MYBPC1: variants seen among roughly 807,000 people sequenced by gnomAD.
MYBPC1 encodes myosin-binding protein C, slow-type.
In MYBPC1, 52 loss-of-function variants were observed where a neutral mutation model predicts 147.1. The observed-to-expected ratio is 0.35, with a 90% CI of 0.28 to 0.45. The LOEUF (loss-of-function observed/expected upper bound fraction) is 0.45, where lower values mean the gene tolerates loss of function less well. Ranked by LOEUF, MYBPC1 falls within the 20% of genes least tolerant of loss-of-function variation. The probability of loss-of-function intolerance (pLI) is 1.00; values close to 1 mark genes in which losing one functional copy is unlikely to be tolerated. For missense variants in MYBPC1, 1,228 were observed against 1,440.3 expected (o/e 0.85, Z 2.39); for synonymous variants, 477 against 475.9 (o/e 1.00, Z -0.03).
chr12:101,669,953 A>AAAAAAT, intron 23 of MYBPC1: 1 of 343,176 alleles, frequency 2.9e-6, no homozygotes. Flanking sequence ...AAAAAAAAAG[A>AAAAAAT]AACTATGAAA....
At chr12:101,695,603 TG>T in the MYBPC1 span, among the ~76,000 whole-genome samples, 1 of 152,176 alleles carries the variant, frequency 6.6e-6, no homozygotes, top group African/African-American at 2.4e-5. Context: ...ATCTACTTTT[TG>T]TTTTTCCTGT....
rs1890049024 is a variant in MYBPC1 at position 101,632,191 on chromosome 12, G to A, written c.556+53G>A. 26 of 1,210,084 alleles carry A rather than the reference G, an allele frequency of 2.1e-5. No homozygotes were observed. The South Asian group carries it at 2.7e-4, about 12-fold the overall frequency. The allele number at this position is 1,210,084 out of a possible 1,614,324, so 75.0% of individuals were successfully genotyped here. A position where few individuals can be genotyped will look rare whatever the true frequency, so the allele number is the denominator to read the frequency against. ...TGTAATTTTTTAATGGGGTGTGAGG[G>A]GATGGAGAAGAAGTAGTTCATTTAA... On this transcript the variant is annotated intron_variant, in intron 8 of 31. Transcript: ENST00000361466.
intron 18 of MYBPC1, among the ~76,000 whole-genome samples, chr12:101,654,775 A>G (rs999535212): frequency 5.3e-5 from 8 of 152,222 alleles, no homozygotes; most frequent in Admixed American, 3.3e-4. Flanking sequence ...CTAGCTAGAC[A>G]TGAAAACCTC....
intron 16 of MYBPC1, 112 bp downstream of exon 16, chr12:101,651,505 C>A: frequency 1.4e-6 from 2 of 1,408,284 alleles, no homozygotes; most frequent in Non-Finnish European, 2.0e-6. Flanking sequence ...GGGAGATCAT[C>A]TATTCCTGAT....
At position 101,685,746 on chromosome 12, in the gene MYBPC1, A is replaced by T; in HGVS notation, c.*184A>T. On this transcript the variant is annotated 3_prime_UTR_variant, in exon 32 of 32. Coordinates refer to ENST00000361466, the MANE Select transcript of MYBPC1 (RefSeq NM_002465.4). ...TTGAAATCTGGTTGAAATGAGAAAA[A>T]GCATTTTCTGTTTTCCCACCAGGCC... 1 of 1,241,324 alleles carries T rather than the reference A, an allele frequency of 8.1e-7. No individual in the cohort carries two copies. Among genetic ancestry groups the T allele is most frequent in the Non-Finnish European group, 1.1e-6 (1 of 907,114 alleles). 76.9% of individuals were successfully genotyped at this position (1,241,324 alleles called of 1,614,324 possible). A position where few individuals can be genotyped will look rare whatever the true frequency, so the allele number is the denominator to read the frequency against.
At chr12:101,617,371 A>G (rs950203519) in intron 3 of MYBPC1, 128 bp downstream of exon 3, 2 of 938,136 alleles carry the variant, frequency 2.1e-6, no homozygotes, top group Admixed American at 2.0e-5. Context: ...TTTGCATCTT[A>G]TCTGCAAGTC....
intron 1 of MYBPC1, among the ~76,000 whole-genome samples, chr12:101,597,779 C>T (rs7962715): frequency 0.086 from 13,126 of 152,086 alleles, 1,712 homozygotes; most frequent in African/African-American, 0.28. Flanking sequence ...GTTATTTGTA[C>T]TGTCTATTCC....
chr12:101,622,166 T>A (rs1342457122), intron 3 of MYBPC1, among the ~76,000 whole-genome samples: 2 of 152,236 alleles, frequency 1.3e-5, no homozygotes, highest in Non-Finnish European at 2.9e-5. Context: ...GACTTACATA[T>A]ATTTTTTGTT....
At chr12:101,627,932 A>T (rs1888999791) in intron 5 of MYBPC1, 128 bp downstream of exon 5, 2 of 1,089,204 alleles carry the variant, frequency 1.8e-6, no homozygotes, top group Non-Finnish European at 2.8e-6. Flanking sequence ...GCAATCTTTC[A>T]TTACGTTTCC....
chr12:101,656,397 G>A (rs11110932), intron 18 of MYBPC1, among the ~76,000 whole-genome samples: 34,070 of 151,948 alleles, frequency 0.22, 4,085 homozygotes, highest in Middle Eastern at 0.35. Flanking sequence ...CAAATTAGAA[G>A]CCCAAAATTG....
intron 6 of MYBPC1, 150 bp from the exon 7 acceptor site, chr12:101,631,421 T>TA (rs1889861710): frequency 3.3e-6 from 3 of 917,312 alleles, no homozygotes; most frequent in Non-Finnish European, 5.2e-6. Flanking sequence ...AGAGCATTCA[T>TA]AAAAAAATCA....
At chr12:101,637,914 A>G (rs1389698848) in intron 10 of MYBPC1, among the ~76,000 whole-genome samples, 3 of 152,176 alleles carry the variant, frequency 2.0e-5, no homozygotes, top group African/African-American at 7.2e-5. Context: ...TCTCAATAGT[A>G]TTGATTAATT....
chr12:101,607,687 G>C (rs560268351), intron 1 of MYBPC1, among the ~76,000 whole-genome samples: 278 of 152,044 alleles, frequency 1.8e-3, no homozygotes, highest in Non-Finnish European at 2.9e-3. Flanking sequence ...CTATAAAAAA[G>C]CTAAATTAAA....
Position 101,629,427 on chromosome 12 carries a change from T to A in MYBPC1, c.179-7T>A. On this transcript the variant is annotated splice_polypyrimidine_tract_variant and splice_region_variant and intron_variant, in intron 5 of 31. Transcript: ENST00000361466. The stretch of plus-strand genomic sequence containing the variant: ...AAATAATCCTTTTCCTCCTTTCTGC[T>A]CATCAGACTGGACCCTTGTCGAAAC... The A allele has an allele frequency of 1.3e-6, 2 of 1,583,698 alleles. No homozygotes were observed. Among genetic ancestry groups the A allele is most frequent in the Non-Finnish European group, 1.7e-6 (2 of 1,152,704 alleles).
At chr12:101,610,518 G>A (rs910643914) in intron 1 of MYBPC1, among the ~76,000 whole-genome samples, 1 of 150,722 alleles carries the variant, frequency 6.6e-6, no homozygotes, top group African/African-American at 2.5e-5. Flanking sequence ...GTGTCTTTTC[G>A]TAGGTGTGTC....
At chr12:101,682,502 T>C in intron 29 of MYBPC1, 102 bp from the exon 30 acceptor site, 1 of 1,056,006 alleles carries the variant, frequency 9.5e-7, no homozygotes. Flanking sequence ...ATCAGACTGT[T>C]ACTCTGATAA....
chr12:101,642,728 C>G (rs1892329085), intron 11 of MYBPC1, 143 bp downstream of exon 11: 1 of 844,762 alleles, frequency 1.2e-6, no homozygotes, highest in African/African-American at 1.7e-5. Context: ...TTACGCTTGT[C>G]TAGACGGACA....
Position 101,646,824 on chromosome 12 carries a change from G to A in MYBPC1, c.1027G>A (p.Asp343Asn). 1 of 1,613,738 alleles carries A rather than the reference G, an allele frequency of 6.2e-7. No individual in the cohort carries two copies. The highest frequency in any genetic ancestry group is 8.5e-7 in the Non-Finnish European group (1 of 1,179,596). ...GTTTATCAATAACTGTCAGATGACA[G>A]ATGATTCAGAGTATTATGTGACAGC... ...ILFINNCQMT[D>N]DSEYYVTAGD... is the part of the protein sequence containing the mutation. The change falls in exon 13 of 32, where the codon GAT (aspartate) becomes AAT (asparagine). Residue 343 changes from aspartate (D) to asparagine (N), a missense_variant. Physicochemically the swap from Asp to Asn is conservative, Grantham distance 23. Coordinates refer to ENST00000361466, the MANE Select transcript of MYBPC1 (RefSeq NM_002465.4).
At chr12:101,653,308 C>G (rs1894905225) in intron 18 of MYBPC1, 60 bp downstream of exon 18, 1 of 1,592,678 alleles carries the variant, frequency 6.3e-7, no homozygotes, top group South Asian at 1.1e-5. Flanking sequence ...ACACTGCCTA[C>G]CCCACCCCTT....
Sources: gnomAD v4.1 joint callset for allele counts (sites outside exome capture counted in the v4.1 genomes callset) on GRCh38, gnomAD v4.1.1 for gene constraint, MANE v1.5 for transcripts, NCBI Gene and HGNC (gene_info 2026-07-23, HGNC 2026-07-21) for gene names.